CERT1: variants seen among roughly 807,000 people sequenced by gnomAD.
The protein encoded by CERT1 is ceramide transporter 1.
In CERT1, 31 loss-of-function variants were observed where a neutral mutation model predicts 87.9. The observed-to-expected ratio is 0.35, with a 90% CI of 0.27 to 0.48. CERT1 has a LOEUF of 0.48. Ranked by LOEUF, CERT1 falls within the 20% of genes least tolerant of loss-of-function variation. The pLI is 0.99. For missense variants in CERT1, 487 were observed against 758.0 expected (o/e 0.64, Z 4.20); for synonymous variants, 289 against 250.9 (o/e 1.15, Z -1.44).
intron 3 of CERT1, among the ~76,000 whole-genome samples, chr5:75,445,853 G>A (rs759361966): frequency 6.6e-6 from 1 of 152,038 alleles, no homozygotes; most frequent in Non-Finnish European, 1.5e-5. Flanking sequence ...GAATACATTG[G>A]CCCATACCTT....
rs747700913 is a variant in CERT1, at chr5:75,511,355, C to T, written c.-148G>A. Reference sequence around the variant, plus strand: ...GGGGGAGCAGGAGGAGGGACGAAGTCCGCCCGCCGCGCCGCCGCCGCGCCT... The same window carrying T: ...GGGGGAGCAGGAGGAGGGACGAAGTTCGCCCGCCGCGCCGCCGCCGCGCCT... On this transcript the variant is annotated 5_prime_UTR_variant, in exon 1 of 17. Coordinates refer to ENST00000643780, the MANE Select transcript of CERT1 (RefSeq NM_001379029.1). 12 of 1,542,434 alleles carry T rather than the reference C, an allele frequency of 7.8e-6. No homozygotes were observed. In the South Asian group the frequency reaches 1.2e-4, roughly 15 times the overall value.
chr5:75,508,517 T>C (rs1767765177), intron 1 of CERT1, among the ~76,000 whole-genome samples: 1 of 152,178 alleles, frequency 6.6e-6, no homozygotes. Flanking sequence ...GTATTAGCTG[T>C]ATCATGACAC....
intron 5 of CERT1, among the ~76,000 whole-genome samples, chr5:75,424,248 C>T (rs572895712): frequency 6.6e-6 from 1 of 152,174 alleles, no homozygotes; most frequent in East Asian, 1.9e-4. Flanking sequence ...ATTACTGATT[C>T]TTCTTCTATG....
chr5:75,502,046 G>T (rs1767397713), intron 2 of CERT1, among the ~76,000 whole-genome samples: 1 of 151,810 alleles, frequency 6.6e-6, no homozygotes, highest in African/African-American at 2.4e-5. Flanking sequence ...ACAGACAAGT[G>T]ACAATGTGGG....
downstream of CERT1, chr5:75,374,625 G>A (rs566693692): frequency 1.3e-4 from 85 of 668,610 alleles, 1 homozygote; most frequent in South Asian, 1.1e-3. Flanking sequence ...GGACATTTCC[G>A]AAGCGAGTGT....
In CERT1 at chr5:75,439,288, G is replaced by A. The variant is rs372231818; in HGVS notation, c.349-12810C>T. Among the ~76,000 whole-genome samples, 110 of 151,488 alleles carry A rather than the reference G, an allele frequency of 7.3e-4. 1 individual carries two copies. The highest frequency in any genetic ancestry group is 2.6e-3 in the African/African-American group (107 of 41,422). On this transcript the variant is annotated intron_variant, in intron 3 of 16. Coordinates refer to ENST00000643780, the MANE Select transcript of CERT1 (RefSeq NM_001379029.1). ...GTTTAATTATGTGGAAGATAAACTC[G>A]TACATTATCATTCTGAACAGTTTGT...
chr5:75,472,299 T>C (rs1256856171), intron 2 of CERT1, among the ~76,000 whole-genome samples: 1 of 152,196 alleles, frequency 6.6e-6, no homozygotes, highest in African/African-American at 2.4e-5. Flanking sequence ...AAATCTGAAA[T>C]ATAAGACCTA....
intron 11 of CERT1, among the ~76,000 whole-genome samples, chr5:75,392,969 C>CAAAAAAAAAAAAAA (rs1198217217): frequency 1.2e-4 from 1 of 8,690 alleles, no homozygotes; most frequent in African/African-American, 5.5e-4. Flanking sequence ...GACTCCGTCT[C>CAAAAAAAAAAAAAA]AAAAAAAAAA....
chr5:75,496,903 T>C (rs1489407014), intron 2 of CERT1, among the ~76,000 whole-genome samples: 1 of 152,192 alleles, frequency 6.6e-6, no homozygotes, highest in African/African-American at 2.4e-5. Flanking sequence ...ACTATAACTG[T>C]ATACTTTAAA....
At chr5:75,480,166 T>G (rs1308526083) in intron 2 of CERT1, among the ~76,000 whole-genome samples, 1 of 152,202 alleles carries the variant, frequency 6.6e-6, no homozygotes, top group Non-Finnish European at 1.5e-5. Context: ...GTCTCTAATG[T>G]GATACCCTGA....
In CERT1 at chr5:75,427,041, T is replaced by C. The variant is rs182888879; in HGVS notation, c.349-563A>G. 3.3e-3 allele frequency among the ~76,000 whole-genome samples: 502 copies of C among 152,342 alleles called. 3 individuals carry two copies. Among genetic ancestry groups the C allele is most frequent in the African/African-American group, 0.012 (492 of 41,566 alleles). ...GGACTTGGATCTTTCTGGAAGCAGC[T>C]TGTATCTTTTAAATTTTTGTAACCA... On this transcript the variant is annotated intron_variant, in intron 3 of 16. Coordinates refer to ENST00000643780, the MANE Select transcript of CERT1 (RefSeq NM_001379029.1).
At chr5:75,484,788 AC>A (rs568399279) in intron 2 of CERT1, among the ~76,000 whole-genome samples, 80 of 152,120 alleles carry the variant, frequency 5.3e-4, no homozygotes, top group Non-Finnish European at 8.4e-4. Context: ...AGACTTCAAC[AC>A]CCCACTTTCA....
At chr5:75,473,752 A>T (rs1188051381) in intron 2 of CERT1, among the ~76,000 whole-genome samples, 1 of 152,172 alleles carries the variant, frequency 6.6e-6, no homozygotes, top group African/African-American at 2.4e-5. Flanking sequence ...AAAAATGATA[A>T]CTATGTGAGG....
chr5:75,447,060 C>T (rs1464454941), intron 3 of CERT1, among the ~76,000 whole-genome samples: 2 of 152,212 alleles, frequency 1.3e-5, no homozygotes, highest in African/African-American at 4.8e-5. Flanking sequence ...CTGGCTCCCA[C>T]AAGTGTATGG....
chr5:75,453,750 CATCACT>C (rs1186114624), intron 3 of CERT1, among the ~76,000 whole-genome samples: 1 of 152,154 alleles, frequency 6.6e-6, no homozygotes, highest in African/African-American at 2.4e-5. Context: ...TAGCTATCTT[CATCACT>C]ATCACCATTA....
At chr5:75,399,191 A>T in intron 11 of CERT1, 119 bp downstream of exon 11, 1 of 718,150 alleles carries the variant, frequency 1.4e-6, no homozygotes, top group Non-Finnish European at 2.5e-6. Flanking sequence ...GCTTAATGTT[A>T]CTATTTAAAA....
intron 3 of CERT1, among the ~76,000 whole-genome samples, chr5:75,430,360 A>G (rs1434302146): frequency 1.3e-5 from 2 of 152,220 alleles, no homozygotes; most frequent in East Asian, 3.9e-4. Context: ...ATCTCAAAGC[A>G]ATGTCTTAGT....
At chr5:75,498,287 C>T (rs1767170623) in intron 2 of CERT1, among the ~76,000 whole-genome samples, 1 of 152,206 alleles carries the variant, frequency 6.6e-6, no homozygotes, top group Non-Finnish European at 1.5e-5. Flanking sequence ...TTCAAGCCTA[C>T]TGCAAAAATT....
chr5:75,447,445 A>ATTT (rs1764591675), intron 3 of CERT1, among the ~76,000 whole-genome samples: 3 of 148,924 alleles, frequency 2.0e-5, no homozygotes, highest in African/African-American at 7.5e-5. Context: ...TTTTAAAAAA[A>ATTT]ATTTATTTAT....
Sources: allele counts gnomAD v4.1 joint callset (sites outside exome capture counted in the v4.1 genomes callset), GRCh38; gene constraint gnomAD v4.1.1; transcripts MANE v1.5; gene names NCBI Gene and HGNC (gene_info 2026-07-23, HGNC 2026-07-21).